Variants in KCNK2 observed in about 807,000 individuals in gnomAD.
KCNK2 encodes the protein potassium two pore domain channel subfamily K member 2.
Under a neutral mutation model 40.5 loss-of-function variants are expected in KCNK2, and 21 were observed. The observed-to-expected ratio is 0.52, with a 90% confidence interval of 0.37 to 0.75. KCNK2 has a LOEUF of 0.75. KCNK2 is among the 30% of genes least tolerant of loss of function. The pLI is 0.00. For missense variants in KCNK2, 399 were observed against 531.6 expected (o/e 0.75, Z 2.45); for synonymous variants, 191 against 202.2 (o/e 0.94, Z 0.47).
chr1:215,147,405 A>G (rs1281459855), intron 3 of KCNK2, among the ~76,000 whole-genome samples: 1 of 152,252 alleles, frequency 6.6e-6, no homozygotes, highest in Non-Finnish European at 1.5e-5. Context: ...TGAAAATTCT[A>G]AAATGAACAG....
intron 6 of KCNK2, among the ~76,000 whole-genome samples, chr1:215,230,527 A>G (rs867027485): frequency 1.2e-5 from 1 of 86,062 alleles, no homozygotes; most frequent in Non-Finnish European, 2.3e-5. Flanking sequence ...ATATATATAT[A>G]TATATGTATA....
chr1:215,225,506 C>A (rs1571751118), intron 6 of KCNK2, among the ~76,000 whole-genome samples: 2 of 152,114 alleles, frequency 1.3e-5, no homozygotes, highest in East Asian at 3.9e-4. Context: ...TTATAAGTTG[C>A]TTTCTCTTCA....
chr1:215,165,237 A>G (rs572337747), intron 3 of KCNK2, among the ~76,000 whole-genome samples: 3 of 152,236 alleles, frequency 2.0e-5, no homozygotes, highest in South Asian at 2.1e-4. Context: ...TTCCTTTTCC[A>G]TGTTTTAATC....
intron 1 of KCNK2, among the ~76,000 whole-genome samples, chr1:215,024,119 A>T (rs1656911220): frequency 1.3e-5 from 2 of 152,202 alleles, no homozygotes; most frequent in Admixed American, 1.3e-4. Context: ...GAACTTCCTA[A>T]GGCAGGTATA....
intron 6 of KCNK2, among the ~76,000 whole-genome samples, chr1:215,211,011 C>A (rs1038978828): frequency 2.6e-5 from 4 of 152,106 alleles, no homozygotes; most frequent in African/African-American, 9.7e-5. Flanking sequence ...CTAGCTTTCA[C>A]CTTTGCTTTA....
At chr1:215,018,365 A>C (rs1022317932) in intron 1 of KCNK2, among the ~76,000 whole-genome samples, 4 of 152,186 alleles carry the variant, frequency 2.6e-5, no homozygotes, top group Non-Finnish European at 5.9e-5. Context: ...GATAGTAAAG[A>C]AGCTCTCATG....
intron 6 of KCNK2, among the ~76,000 whole-genome samples, chr1:215,220,516 T>C (rs1416432002): frequency 1.3e-5 from 2 of 152,186 alleles, no homozygotes; most frequent in East Asian, 3.9e-4. Flanking sequence ...CATGCTGGTC[T>C]GGCTCTGACA....
intron 3 of KCNK2, among the ~76,000 whole-genome samples, chr1:215,128,422 A>G (rs1661528859): frequency 6.6e-6 from 1 of 152,224 alleles, no homozygotes. Flanking sequence ...TGCTGCTGCC[A>G]GGAGTACAAA....
At chr1:215,161,621 C>T (rs1663200826) in intron 3 of KCNK2, among the ~76,000 whole-genome samples, 1 of 151,708 alleles carries the variant, frequency 6.6e-6, no homozygotes, top group Admixed American at 6.6e-5. Flanking sequence ...TGTTCCCCTC[C>T]CTGTGTCCAT....
rs117374935 is a variant in KCNK2 at position 215,202,115 on chromosome 1, C to T, written c.963+7023C>T. Among the ~76,000 whole-genome samples, 60 of 152,176 alleles carry T rather than the reference C, an allele frequency of 3.9e-4. No individual in the cohort carries two copies. In the East Asian group the frequency reaches 8.1e-3, roughly 21 times the overall value. On this transcript the variant is annotated intron_variant, in intron 6 of 6. Coordinates refer to ENST00000444842, the MANE Select transcript of KCNK2 (RefSeq NM_001017425.3). ...ATTATTCATTGACTGTAAAATTTCT[C>T]AGGTTTATGTCTTACACTTGTAACT...
intron 2 of KCNK2, among the ~76,000 whole-genome samples, chr1:215,101,538 G>A (rs1660218352): frequency 6.6e-6 from 1 of 151,950 alleles, no homozygotes; most frequent in African/African-American, 2.4e-5. Flanking sequence ...CAGCTGTAGG[G>A]GATGAGGTGA....
At chr1:215,184,708 C>G (rs539792796) in intron 5 of KCNK2, among the ~76,000 whole-genome samples, 1 of 152,224 alleles carries the variant, frequency 6.6e-6, no homozygotes, top group East Asian at 1.9e-4. Flanking sequence ...GGAAACCACT[C>G]CTATGATTCA....
chr1:215,184,743 A>C (rs1452505521), intron 5 of KCNK2, among the ~76,000 whole-genome samples: 1 of 152,130 alleles, frequency 6.6e-6, no homozygotes. Flanking sequence ...GGTCCCTTTC[A>C]TGACAGGTGG....
chr1:215,132,451 G>A (rs983948141), intron 3 of KCNK2, among the ~76,000 whole-genome samples: 1 of 152,182 alleles, frequency 6.6e-6, no homozygotes, highest in African/African-American at 2.4e-5. Context: ...GGAGTCCATT[G>A]AGGTTCTCTC....
At chr1:215,020,141 G>C (rs1010255931) in intron 1 of KCNK2, among the ~76,000 whole-genome samples, 2 of 152,116 alleles carry the variant, frequency 1.3e-5, no homozygotes, top group Non-Finnish European at 2.9e-5. Context: ...GTTCCTTTCA[G>C]AGGTGTGGCA....
chr1:215,178,657 A>G (rs1012027380), intron 5 of KCNK2, among the ~76,000 whole-genome samples: 5 of 152,144 alleles, frequency 3.3e-5, no homozygotes, highest in African/African-American at 1.2e-4. Flanking sequence ...TGGGAATCAC[A>G]TTTATTGATC....
intron 5 of KCNK2, among the ~76,000 whole-genome samples, chr1:215,181,435 A>G (rs948952610): frequency 6.6e-6 from 1 of 152,102 alleles, no homozygotes; most frequent in Non-Finnish European, 1.5e-5. Context: ...AGATTTTTTC[A>G]TGGTGCCAGA....
intron 3 of KCNK2, among the ~76,000 whole-genome samples, chr1:215,135,334 A>G (rs1000141863): frequency 6.6e-6 from 1 of 152,184 alleles, no homozygotes; most frequent in Admixed American, 6.5e-5. Context: ...AACTGGGGCT[A>G]GTATTTCTCA....
At chr1:215,139,789 C>A (rs72650001) in intron 3 of KCNK2, among the ~76,000 whole-genome samples, 2 of 151,926 alleles carry the variant, frequency 1.3e-5, no homozygotes, top group Non-Finnish European at 2.9e-5. Context: ...GTTTTTAATG[C>A]CTTTTTCCCC....
Sources: allele counts gnomAD v4.1 joint callset (sites outside exome capture counted in the v4.1 genomes callset), GRCh38; gene constraint gnomAD v4.1.1; transcripts MANE v1.5; gene names NCBI Gene and HGNC (gene_info 2026-07-23, HGNC 2026-07-21).